PRPF19: variants seen among roughly 807,000 people sequenced by gnomAD.
PRPF19 encodes the protein pre-mRNA-processing factor 19.
PRPF19 carries 2 observed loss-of-function variants against 64.2 expected under a neutral mutation model. The ratio of observed to expected loss-of-function variants is 0.03; its 90% confidence interval spans 0.01 to 0.10. PRPF19 has a LOEUF of 0.10. PRPF19 is among the 10% of genes least tolerant of loss of function. The probability of loss-of-function intolerance (pLI) is 1.00; values close to 1 mark genes in which losing one functional copy is unlikely to be tolerated. For synonymous variants in PRPF19, 226 were observed against 251.6 expected (o/e 0.90, Z 0.96); for missense variants, 314 against 650.0 (o/e 0.48, Z 5.62).
chr11:60,892,226 G>A (rs1855868544), intron 15 of PRPF19, among the ~76,000 whole-genome samples: 1 of 152,196 alleles, frequency 6.6e-6, no homozygotes, highest in Admixed American at 6.5e-5. Context: ...CATTCTCTCA[G>A]CATCTCATGC....
chr11:60,902,985 G>GAC lies in PRPF19; in HGVS notation c.247-106_247-105dup. 2.7e-6 allele frequency: 4 copies of GAC among 1,498,872 alleles called. No homozygotes were observed. The highest frequency in any genetic ancestry group is 3.6e-6 in the Non-Finnish European group (4 of 1,122,426). 92.8% of individuals were successfully genotyped at this position (1,498,872 alleles called of 1,614,324 possible). A position where few individuals can be genotyped will look rare whatever the true frequency, so the allele number is the denominator to read the frequency against. On this transcript the variant is annotated intron_variant, in intron 3 of 15. Coordinates refer to ENST00000227524, the MANE Select transcript of PRPF19 (RefSeq NM_014502.5). This position sits in a 1 kb window ranked among gnomAD's most constrained non-coding sequence, Gnocchi z 5.0. Reference sequence around the variant, plus strand: ...ATGCTGCCTCCTATCCCAGAGCCTAGACCAGTATCAGTGACCCAAACAATA... The same window carrying GAC: ...ATGCTGCCTCCTATCCCAGAGCCTAGACACCAGTATCAGTGACCCAAACAATA...
In PRPF19 at chr11:60,902,756, G is replaced by T. The variant is rs1398102757; in HGVS notation, c.372C>A (p.Val124=). Residue 124 remains valine (V), a synonymous_variant, in exon 4 of 16, where the codon GTC becomes GTA. Coordinates refer to ENST00000227524, the MANE Select transcript of PRPF19 (RefSeq NM_014502.5). This position sits in a 1 kb window ranked among gnomAD's most constrained non-coding sequence, Gnocchi z 5.0. ...CRVIARLTKE[V]TAAREALATL... ...AGGCTGCACCTTCTCGGGCAGCAGT[G>T]ACTTCCTTGGTGAGACGGGCAATGA... The T allele has an allele frequency of 6.2e-7, 1 of 1,614,210 alleles. No homozygotes were observed. The highest frequency in any genetic ancestry group is 1.7e-5 in the Admixed American group (1 of 60,028).
Position 60,906,554 on chromosome 11 carries a change from C to T in PRPF19, c.-172G>A. ...CTTCACGTGGGAATGGGGACAGCCG[C>T]GCGCCACAGCCTTCAGCACCTAACG... is the stretch of plus-strand genomic sequence containing the variant. On this transcript the variant is annotated 5_prime_UTR_variant, in exon 1 of 16. Coordinates refer to ENST00000227524, the MANE Select transcript of PRPF19 (RefSeq NM_014502.5). 1 of 650,760 alleles carries T rather than the reference C, an allele frequency of 1.5e-6. No homozygotes were observed. Among genetic ancestry groups the T allele is most frequent in the South Asian group, 2.0e-5 (1 of 51,004 alleles). 40.3% of individuals were successfully genotyped at this position (650,760 alleles called of 1,614,324 possible).
chr11:60,891,626 CAT>C (rs1360600658), intron 15 of PRPF19, among the ~76,000 whole-genome samples: 2 of 152,206 alleles, frequency 1.3e-5, no homozygotes, highest in African/African-American at 4.8e-5. Context: ...TTTTCTAGCT[CAT>C]AGTGTTCCAA....
chr11:60,896,564 C>A (rs1255567729), intron 15 of PRPF19, among the ~76,000 whole-genome samples: 2 of 152,202 alleles, frequency 1.3e-5, no homozygotes, highest in South Asian at 2.1e-4. Context: ...GGGGCTTTAG[C>A]CCCTTTGCTC....
intron 15 of PRPF19, among the ~76,000 whole-genome samples, chr11:60,892,959 C>T (rs537939033): frequency 1.3e-5 from 2 of 152,078 alleles, no homozygotes; most frequent in Non-Finnish European, 2.9e-5. Context: ...TCACCACCAC[C>T]CCCTAGAAGC....
In PRPF19 at chr11:60,899,157, C is replaced by T. The variant is rs1468690935; in HGVS notation, c.976G>A (p.Asp326Asn). 9.9e-6 allele frequency: 16 copies of T among 1,612,022 alleles called. No individual in the cohort carries two copies. Among genetic ancestry groups the T allele is most frequent in the African/African-American group, 1.3e-5 (1 of 74,892 alleles). Residue 326 changes from aspartate to asparagine, a missense_variant, in exon 11 of 16, where the codon GAT becomes AAT. Coordinates refer to ENST00000227524, the MANE Select transcript of PRPF19 (RefSeq NM_014502.5). Reference protein sequence around the residue: ...ATGDYLLSSSDDQYWAFSDIQ... With the variant: ...ATGDYLLSSSNDQYWAFSDIQ... ...ACTGGCTGGGACCGCACCTGATCAT[C>T]GGAGGAGCTCAGGAGATAGTCGCCA...
intron 10 of PRPF19, among the ~76,000 whole-genome samples, chr11:60,899,613 T>C (rs1276352559): frequency 2.0e-5 from 3 of 152,238 alleles, no homozygotes; most frequent in Admixed American, 6.5e-5. Flanking sequence ...GCTAGTACAA[T>C]TGAGGGACTG....
chr11:60,898,826 C>CAAA lies in PRPF19; in HGVS notation c.1054+33_1054+35dup, dbSNP rs1855949051. 3 of 1,525,316 alleles carry CAAA rather than the reference C, an allele frequency of 2.0e-6. No homozygotes were observed. The allele number at this position is 1,525,316 out of a possible 1,614,324, so 94.5% of individuals were successfully genotyped here. Reference sequence around the variant, plus strand: ...AAATGTAAAAATAAATAATAAACAGCAAACAAAAAAGCTGAGTGCCTATGA... The same window carrying CAAA: ...AAATGTAAAAATAAATAATAAACAGCAAAAAACAAAAAAGCTGAGTGCCTATGA... On this transcript the variant is annotated intron_variant, in intron 12 of 15. Coordinates refer to ENST00000227524, the MANE Select transcript of PRPF19 (RefSeq NM_014502.5). This position sits in a 1 kb window ranked among gnomAD's most constrained non-coding sequence, Gnocchi z 4.6.
chr11:60,891,334 A>C, intron 15 of PRPF19, 71 bp from the exon 16 acceptor site: 1 of 1,135,474 alleles, frequency 8.8e-7, no homozygotes, highest in Non-Finnish European at 1.3e-6. Flanking sequence ...ATCCCTAATA[A>C]CAGATTCCCA....
chr11:60,900,301 C>T (rs2134862811), intron 10 of PRPF19, among the ~76,000 whole-genome samples: 1 of 152,298 alleles, frequency 6.6e-6, no homozygotes, highest in East Asian at 1.9e-4. Flanking sequence ...ATTAGGAACA[C>T]TATAAGATTT....
At position 60,897,398 on chromosome 11, in the gene PRPF19, C is replaced by T. The variant is rs368939929; in HGVS notation, c.1417+448G>A. On this transcript the variant is annotated intron_variant, in intron 15 of 15. Coordinates refer to ENST00000227524, the MANE Select transcript of PRPF19 (RefSeq NM_014502.5). ...TTCACTCTACAATGGTCGCACATGACGATATCACCTAACAAGACATTTCTC... is the reference window on the plus strand; with the variant it reads ...TTCACTCTACAATGGTCGCACATGATGATATCACCTAACAAGACATTTCTC... 2.2e-4 allele frequency among the ~76,000 whole-genome samples: 33 copies of T among 152,330 alleles called. 1 individual carries two copies. The East Asian group carries it at 4.6e-3, about 21-fold the overall frequency.
intron 11 of PRPF19, 94 bp downstream of exon 11, chr11:60,899,055 G>C: frequency 6.6e-7 from 1 of 1,517,964 alleles, no homozygotes. Context: ...TGAGGTTCTG[G>C]GGAACCAGCT....
chr11:60,897,607 T>C, intron 15 of PRPF19: 1 of 401,932 alleles, frequency 2.5e-6, no homozygotes. Context: ...GAGGGACTTT[T>C]CTCTCCCTTT....
At position 60,890,600 on chromosome 11, in the gene PRPF19, A is replaced by AAAG; in HGVS notation, c.*565_*566insCTT. 6.7e-6 allele frequency: 2 copies of AAAG among 297,862 alleles called. No homozygotes were observed. Among genetic ancestry groups the AAAG allele is most frequent in the South Asian group, 2.8e-5 (1 of 35,134 alleles). The allele number at this position is 297,862 out of a possible 1,614,324, so 18.5% of individuals were successfully genotyped here. Reference sequence around the variant, plus strand: ...GCTGTGCAATTAAAAAAAAAAAAAAAGGGTAAGAGCTGTGAAAGGAAAGGA... The same window carrying AAAG: ...GCTGTGCAATTAAAAAAAAAAAAAAAAAGGGGTAAGAGCTGTGAAAGGAAAGGA... On this transcript the variant is annotated 3_prime_UTR_variant, in exon 16 of 16. Coordinates refer to ENST00000227524, the MANE Select transcript of PRPF19 (RefSeq NM_014502.5).
At chr11:60,892,515 A>G (rs1014519045) in intron 15 of PRPF19, among the ~76,000 whole-genome samples, 3 of 152,206 alleles carry the variant, frequency 2.0e-5, no homozygotes, top group African/African-American at 7.2e-5. Flanking sequence ...ACTTATCAGG[A>G]TGTGGCTCCA....
chr11:60,901,773 A>C (rs888451405), intron 6 of PRPF19, among the ~76,000 whole-genome samples: 2 of 152,220 alleles, frequency 1.3e-5, no homozygotes, highest in Non-Finnish European at 2.9e-5. Context: ...AAGTGAAGTC[A>C]ATTGCCCAAG....
intron 1 of PRPF19, 82 bp from the exon 2 acceptor site, chr11:60,903,943 C>G (rs774800423): frequency 2.3e-5 from 34 of 1,503,410 alleles, no homozygotes; most frequent in Middle Eastern, 1.8e-4. Context: ...TTAGCCCCAA[C>G]AAGACTAGGC....
In PRPF19 at chr11:60,902,464, C is replaced by A. The variant is rs764663367; in HGVS notation, c.464G>T (p.Gly155Val). ...AVPSSQPSVV[G>V]AGEPMDLGEL... ...ACCCAAATCCATTGGCTCACCCGCA[C>A]CCTGAAGAGAAGAAAGGTGAGGGTG... Residue 155 changes from glycine (G) to valine (V), a missense_variant and splice_region_variant, in exon 6 of 16, where the codon GGT (glycine) becomes GTT (valine). Transcript: ENST00000227524. The surrounding 1 kb of genome is among the most constrained non-coding windows in gnomAD (Gnocchi z 5.0). 1.2e-6 allele frequency: 2 copies of A among 1,614,162 alleles called. No individual in the cohort carries two copies. Among genetic ancestry groups the A allele is most frequent in the Non-Finnish European group, 1.7e-6 (2 of 1,180,004 alleles).
Sources: gnomAD v4.1 joint callset for allele counts (sites outside exome capture counted in the v4.1 genomes callset) on GRCh38, gnomAD v4.1.1 for gene constraint, Gnocchi (gnomAD v3.1) non-coding constraint, MANE v1.5 for transcripts, NCBI Gene and HGNC (gene_info 2026-07-23, HGNC 2026-07-21) for gene names.